Variants in ITM2B observed in about 807,000 individuals in gnomAD.
ITM2B encodes the protein integral membrane protein 2B, also known as ABri/ADan amyloid peptide.
ITM2B carries 11 observed loss-of-function variants against 27.8 expected under a neutral mutation model. That is an observed-to-expected ratio of 0.40 (90% CI 0.25 to 0.66). ITM2B has a LOEUF of 0.66. Ranked by LOEUF, ITM2B falls within the 30% of genes least tolerant of loss-of-function variation. ITM2B has a pLI of 0.43. For missense variants in ITM2B, 296 were observed against 328.9 expected (o/e 0.90, Z 0.77); for synonymous variants, 114 against 114.3 (o/e 1.00, Z 0.02).
intron 1 of ITM2B, among the ~76,000 whole-genome samples, chr13:48,234,762 G>A (rs1272976646): frequency 6.6e-6 from 1 of 152,160 alleles, no homozygotes; most frequent in Non-Finnish European, 1.5e-5. Context: ...GCCTTGCCTT[G>A]AAATAGGAAC....
Position 48,266,140 on chromosome 13 carries a change from G to A in ITM2B, c.*4916G>A, listed in dbSNP as rs185957862. ...TCATCCCCATGGGTCTGAGTGAGTT[G>A]CCTTGAATATAAGATTCAGTGATGG... On this transcript the variant is annotated 3_prime_UTR_variant, in exon 6 of 6. Transcript: ENST00000647800. The A allele has an allele frequency of 2.0e-5, 3 of 152,198 alleles. No individual in the cohort carries two copies. The highest frequency in any genetic ancestry group is 4.8e-5 in the African/African-American group (2 of 41,516). The allele number at this position is 152,198 out of a possible 1,614,324, so 9.4% of individuals were successfully genotyped here.
chr13:48,256,351 G>T lies in ITM2B; in HGVS notation c.421G>T (p.Asp141Tyr). The T allele has an allele frequency of 6.2e-7, 1 of 1,613,846 alleles. No individual in the cohort carries two copies. The highest frequency in any genetic ancestry group is 8.5e-7 in the Non-Finnish European group (1 of 1,179,784). Residue 141 changes from aspartate (D) to tyrosine (Y), a missense_variant, in exon 3 of 6, where the codon GAT (aspartate) becomes TAT (tyrosine). Coordinates refer to ENST00000647800, the MANE Select transcript of ITM2B (RefSeq NM_021999.5). ...SVPVPEFADSDPANIVHDFNK... is the reference protein window; with the variant it reads ...SVPVPEFADSYPANIVHDFNK... ...GCCTGTCCCAGAGTTTGCAGATAGT[G>T]ATCCTGCCAACATTGTTCATGACTT...
At chr13:48,239,408 G>A (rs1343605506) in intron 1 of ITM2B, among the ~76,000 whole-genome samples, 1 of 152,180 alleles carries the variant, frequency 6.6e-6, no homozygotes, top group Non-Finnish European at 1.5e-5. Flanking sequence ...ACTGAGGCTG[G>A]TGGATCACCT....
intron 1 of ITM2B, among the ~76,000 whole-genome samples, chr13:48,235,744 T>C (rs1389619444): frequency 3.3e-5 from 5 of 152,226 alleles, no homozygotes; most frequent in African/African-American, 9.6e-5. Context: ...CGAGGGCATT[T>C]CCTTTGCCTG....
chr13:48,244,169 G>A (rs1305456574), intron 1 of ITM2B, among the ~76,000 whole-genome samples: 1 of 152,164 alleles, frequency 6.6e-6, no homozygotes, highest in Non-Finnish European at 1.5e-5. Context: ...CTACTGGATA[G>A]CCAGGTACTA....
chr13:48,257,667 C>G (rs1268182520), intron 3 of ITM2B, among the ~76,000 whole-genome samples: 1 of 152,142 alleles, frequency 6.6e-6, no homozygotes, highest in Non-Finnish European at 1.5e-5. Flanking sequence ...ATGAGACAGT[C>G]TTTCTCAACC....
intron 1 of ITM2B, among the ~76,000 whole-genome samples, chr13:48,250,008 C>A (rs1951745003): frequency 6.6e-6 from 1 of 152,120 alleles, no homozygotes; most frequent in Admixed American, 6.5e-5. Context: ...ATACTTTAAT[C>A]CCTTCTCCAT....
intron 1 of ITM2B, among the ~76,000 whole-genome samples, chr13:48,236,408 A>G (rs7981218): frequency 1.6e-3 from 246 of 152,352 alleles, no homozygotes; most frequent in African/African-American, 5.6e-3. Flanking sequence ...TTACATAACT[A>G]CTTGATCTTG....
intron 1 of ITM2B, 119 bp from the exon 2 acceptor site, chr13:48,253,689 C>T (rs964184476): frequency 1.1e-5 from 11 of 1,017,332 alleles, no homozygotes; most frequent in Non-Finnish European, 1.7e-5. Flanking sequence ...AGAGACACAA[C>T]TCCTTTGGTC....
rs1015274031 is a variant in ITM2B, at chr13:48,233,496, C to G, written c.117+19C>G. On this transcript the variant is annotated intron_variant, in intron 1 of 5. Coordinates refer to ENST00000647800, the MANE Select transcript of ITM2B (RefSeq NM_021999.5). ...CTGCAAGGTCCGAGCCCGGGGAGGT[C>G]GAGGAAGCGGGTGCTGGGCCCGGCC... The G allele has an allele frequency of 1.3e-6, 2 of 1,485,156 alleles. No homozygotes were observed. The highest frequency in any genetic ancestry group is 1.5e-5 in the African/African-American group (1 of 68,386). 92.0% of individuals were successfully genotyped at this position (1,485,156 alleles called of 1,614,324 possible). A position where few individuals can be genotyped will look rare whatever the true frequency, so the allele number is the denominator to read the frequency against.
intron 2 of ITM2B, among the ~76,000 whole-genome samples, chr13:48,255,626 A>G (rs1316121087): frequency 1.3e-5 from 2 of 152,160 alleles, no homozygotes; most frequent in South Asian, 2.1e-4. Context: ...TTCTTTTTGT[A>G]AAAGTGAGAC....
In ITM2B at chr13:48,267,618, A is replaced by G. The variant is rs999011327; in HGVS notation, c.*6394A>G. On this transcript the variant is annotated 3_prime_UTR_variant, in exon 6 of 6. Coordinates refer to ENST00000647800, the MANE Select transcript of ITM2B (RefSeq NM_021999.5). ...TGATAGAAATAAAAATGAGCCAGAAATGTTTCTTCAGCTTTTGTAAAGTGC... is the reference window on the plus strand; with the variant it reads ...TGATAGAAATAAAAATGAGCCAGAAGTGTTTCTTCAGCTTTTGTAAAGTGC... 4.6e-5 allele frequency: 7 copies of G among 152,230 alleles called. No individual in the cohort carries two copies. Among genetic ancestry groups the G allele is most frequent in the African/African-American group, 1.7e-4 (7 of 41,446 alleles). 9.4% of individuals were successfully genotyped at this position (152,230 alleles called of 1,614,324 possible). A position where few individuals can be genotyped will look rare whatever the true frequency, so the allele number is the denominator to read the frequency against.
At chr13:48,240,962 A>T (rs1381842070) in intron 1 of ITM2B, among the ~76,000 whole-genome samples, 1 of 152,192 alleles carries the variant, frequency 6.6e-6, no homozygotes, top group Non-Finnish European at 1.5e-5. Flanking sequence ...TTTTCTCCCC[A>T]TAGATTAATT....
At chr13:48,253,657 C>A in intron 1 of ITM2B, 151 bp from the exon 2 acceptor site, 2 of 769,562 alleles carry the variant, frequency 2.6e-6, no homozygotes. Flanking sequence ...ACCACTTAAT[C>A]ATTCCTGGGT....
At chr13:48,250,348 G>A (rs1566161407) in intron 1 of ITM2B, among the ~76,000 whole-genome samples, 1 of 152,060 alleles carries the variant, frequency 6.6e-6, no homozygotes, top group Non-Finnish European at 1.5e-5. Context: ...GGCCGGGTAC[G>A]GTGGCTCAAG....
intron 1 of ITM2B, among the ~76,000 whole-genome samples, chr13:48,252,329 C>T (rs1951760245): frequency 6.6e-6 from 1 of 152,230 alleles, no homozygotes; most frequent in African/African-American, 2.4e-5. Flanking sequence ...AACCGCCAGG[C>T]CACAGACCAG....
At chr13:48,240,230 C>G (rs8001522) in intron 1 of ITM2B, among the ~76,000 whole-genome samples, 246 of 152,132 alleles carry the variant, frequency 1.6e-3, no homozygotes, top group African/African-American at 5.6e-3. Flanking sequence ...TGTTGAGAAA[C>G]AGTCTTGCCC....
intron 1 of ITM2B, among the ~76,000 whole-genome samples, chr13:48,253,271 ATTGT>A (rs1235778164): frequency 6.6e-6 from 1 of 152,012 alleles, no homozygotes; most frequent in Non-Finnish European, 1.5e-5. Context: ...TTTTAGTATC[ATTGT>A]TTGTTCTTTT....
At chr13:48,255,344 T>C (rs914451041) in intron 2 of ITM2B, among the ~76,000 whole-genome samples, 3 of 151,984 alleles carry the variant, frequency 2.0e-5, no homozygotes, top group African/African-American at 7.3e-5. Context: ...CAGGCTGGAG[T>C]GCGGTGGTGC....
Sources: allele counts gnomAD v4.1 joint callset (sites outside exome capture counted in the v4.1 genomes callset), GRCh38; gene constraint gnomAD v4.1.1; transcripts MANE v1.5; gene names NCBI Gene and HGNC (gene_info 2026-07-23, HGNC 2026-07-21).